Variants in DPCD observed in about 807,000 individuals in gnomAD.
DPCD encodes the protein deleted in primary ciliary dyskinesia homolog (mouse).
In DPCD, 20 loss-of-function variants were observed where a neutral mutation model predicts 26.4. The ratio of observed to expected loss-of-function variants is 0.76; its 90% CI spans 0.53 to 1.10. The LOEUF (loss-of-function observed/expected upper bound fraction) is 1.10, where lower values mean the gene tolerates loss of function less well. Ranked by LOEUF, DPCD falls within the 50% of genes least tolerant of loss-of-function variation. The pLI is 0.00. For synonymous variants in DPCD, 97 were observed against 94.2 expected, an observed-to-expected ratio of 1.03 and a Z score of -0.17; for missense variants, 202 against 253.9, an observed-to-expected ratio of 0.80 and a Z score of 1.39.
chr10:101,588,754 C>T, intron 1 of DPCD: 2 of 881,908 alleles, frequency 2.3e-6, no homozygotes, highest in African/African-American at 1.8e-5. Flanking sequence ...ATGTTTTAGA[C>T]TTTAGAGAGG....
At chr10:101,604,575 T>C (rs2063720872) in intron 4 of DPCD, among the ~76,000 whole-genome samples, 1 of 152,208 alleles carries the variant, frequency 6.6e-6, no homozygotes, top group South Asian at 2.1e-4. Context: ...AAAAGTGCTT[T>C]TCCAGGATCC....
rs1178444798 is a variant in DPCD at position 101,600,186 on chromosome 10, GT to G, written c.146-545del. On this transcript the variant is annotated intron_variant, in intron 2 of 5. Transcript: ENST00000370151. The surrounding 1 kb of genome is among the most constrained non-coding windows in gnomAD (Gnocchi z 4.7). ...TTTTGTTTAAATGCAGCTTTGGAGC[GT>G]TTTTTTGTTTTTGCTTTTTTCTTTT... is the stretch of plus-strand genomic sequence containing the variant. Among the ~76,000 whole-genome samples, 1 of 151,864 alleles carries G rather than the reference GT, an allele frequency of 6.6e-6. No individual in the cohort carries two copies. The highest frequency in any genetic ancestry group is 1.5e-5 in the Non-Finnish European group (1 of 67,954).
chr10:101,597,176 C>A (rs1010422117), intron 2 of DPCD, among the ~76,000 whole-genome samples: 6 of 152,194 alleles, frequency 3.9e-5, no homozygotes, highest in African/African-American at 1.4e-4. Flanking sequence ...CGATTACATT[C>A]GGATTACCGA....
intron 1 of DPCD, among the ~76,000 whole-genome samples, chr10:101,591,144 T>C (rs562788876): frequency 6.6e-6 from 1 of 152,336 alleles, no homozygotes; most frequent in Non-Finnish European, 1.5e-5. Context: ...GTAGCATGTG[T>C]CAAAATTTTG....
intron 4 of DPCD, among the ~76,000 whole-genome samples, chr10:101,608,102 T>A (rs536353723): frequency 6.8e-6 from 1 of 147,376 alleles, no homozygotes; most frequent in South Asian, 2.2e-4. Context: ...ATCTGTTCTA[T>A]TTTTTTTTTT....
At position 101,588,388 on chromosome 10, in the gene DPCD, C is replaced by G. The variant is rs776641379; in HGVS notation, c.52C>G (p.Leu18Val). The stretch of plus-strand genomic sequence containing the variant: ...TCTGCGGACAGCCCAGAAGACTGCG[C>G]TGCTGCAGGACGGTAACTCGAGGGT... ...ESLRTAQKTALLQDGRRKVHY... is the reference protein window; with the variant it reads ...ESLRTAQKTAVLQDGRRKVHY... Residue 18 changes from leucine (L) to valine (V), a missense_variant, in exon 1 of 6, where the codon CTG (leucine) becomes GTG (valine). By Grantham distance (32) the Leu-to-Val change is conservative. This residue lies in a region of DPCD where 47 missense variants were observed against 32.8 expected (regional missense o/e 1.43). Coordinates refer to ENST00000370151, the MANE Select transcript of DPCD (RefSeq NM_015448.3). 6.3e-7 allele frequency: 1 copy of G among 1,595,924 alleles called. No homozygotes were observed. Among genetic ancestry groups the G allele is most frequent in the East Asian group, 2.3e-5 (1 of 44,238 alleles).
chr10:101,594,507 T>C, intron 1 of DPCD, 151 bp from the exon 2 acceptor site: 1 of 678,688 alleles, frequency 1.5e-6, no homozygotes, highest in Non-Finnish European at 2.7e-6. Flanking sequence ...AAAGTAATGG[T>C]GGGTGGTGGT....
chr10:101,593,219 G>A lies in DPCD; in HGVS notation c.65-1439G>A, dbSNP rs547881592. On this transcript the variant is annotated intron_variant, in intron 1 of 5. Transcript: ENST00000370151. Reference sequence around the variant, plus strand: ...CCTCCCAGGCAGTACCTTGGATCCCGCTCCTGACAGGAGAGCCCTTTCTAA... The same window carrying A: ...CCTCCCAGGCAGTACCTTGGATCCCACTCCTGACAGGAGAGCCCTTTCTAA... 8.8e-4 allele frequency among the ~76,000 whole-genome samples: 134 copies of A among 152,214 alleles called. 2 individuals are homozygous for A. Among genetic ancestry groups the A allele is most frequent in the Admixed American group, 3.3e-4 (5 of 15,294 alleles).
rs575896812 is a variant in DPCD at position 101,594,610 on chromosome 10, A to G, written c.65-48A>G. 3.8e-6 allele frequency: 6 copies of G among 1,591,024 alleles called. No homozygotes were observed. The African/African-American group carries it at 4.0e-5, about 11-fold the overall frequency. The stretch of plus-strand genomic sequence containing the variant: ...GTAGGCCCCTTGATCTGCAAGGGAC[A>G]GGGCAAGGGGAGACTTTGAGGTAAG... On this transcript the variant is annotated intron_variant, in intron 1 of 5. Transcript: ENST00000370151.
Position 101,604,815 on chromosome 10 carries a change from A to G in DPCD, c.404+3479A>G, listed in dbSNP as rs895516595. Among the ~76,000 whole-genome samples, 4 of 152,324 alleles carry G rather than the reference A, an allele frequency of 2.6e-5. No individual in the cohort carries two copies. In the East Asian group the frequency reaches 5.8e-4, roughly 22 times the overall value. On this transcript the variant is annotated intron_variant, in intron 4 of 5. Coordinates refer to ENST00000370151, the MANE Select transcript of DPCD (RefSeq NM_015448.3). ...ATTTTGGGGAATTTGATGAAATCAT[A>G]TATGTACAGGCCAGCACAACGGCTG... is the stretch of plus-strand genomic sequence containing the variant.
chr10:101,605,002 C>T lies in DPCD; in HGVS notation c.404+3666C>T, dbSNP rs1433606918. 4.0e-5 allele frequency: 51 copies of T among 1,290,352 alleles called. 1 individual carries two copies. The highest frequency in any genetic ancestry group is 8.4e-6 in the Non-Finnish European group (8 of 955,590). 79.9% of individuals were successfully genotyped at this position (1,290,352 alleles called of 1,614,324 possible). ...TTTAAGAAACTCTGGATTAAACAGG[C>T]TTCTCTTTGGTGGGGCCGAGAGCCT... On this transcript the variant is annotated intron_variant, in intron 4 of 5. Coordinates refer to ENST00000370151, the MANE Select transcript of DPCD (RefSeq NM_015448.3).
intron 4 of DPCD, among the ~76,000 whole-genome samples, chr10:101,601,793 A>G (rs2063700687): frequency 6.6e-6 from 1 of 152,116 alleles, no homozygotes; most frequent in African/African-American, 2.4e-5. Context: ...TTAAAGCAGT[A>G]CTTGACAGCA....
In DPCD at chr10:101,591,743, G is replaced by A. The variant is rs554780868; in HGVS notation, c.65-2915G>A. Among the ~76,000 whole-genome samples the A allele has an allele frequency of 1.3e-4, 20 of 151,980 alleles. No homozygotes were observed. In the East Asian group the frequency reaches 2.9e-3, roughly 22 times the overall value. On this transcript the variant is annotated intron_variant, in intron 1 of 5. Coordinates refer to ENST00000370151, the MANE Select transcript of DPCD (RefSeq NM_015448.3). ...GTTGCCCAAACTGGAGTGCAATGGC[G>A]CAATCTCGGCGCACTGCAACCTTTG...
intron 4 of DPCD, among the ~76,000 whole-genome samples, chr10:101,605,773 A>G (rs2063729583): frequency 6.6e-6 from 1 of 152,118 alleles, no homozygotes; most frequent in South Asian, 2.1e-4. Flanking sequence ...AATCTAGACT[A>G]TGGCGGGCTA....
chr10:101,609,276 A>T, intron 5 of DPCD, 91 bp from the exon 6 acceptor site: 1 of 1,189,130 alleles, frequency 8.4e-7, no homozygotes. Context: ...CGTGCAAATA[A>T]GGGGATCAGA....
At chr10:101,593,898 G>A (rs1337299104) in intron 1 of DPCD, among the ~76,000 whole-genome samples, 1 of 152,082 alleles carries the variant, frequency 6.6e-6, no homozygotes. Flanking sequence ...ATTTAGTTGA[G>A]CTCCTAGTAT....
chr10:101,598,566 A>G (rs569064068), intron 2 of DPCD, among the ~76,000 whole-genome samples: 1 of 149,230 alleles, frequency 6.7e-6, no homozygotes, highest in East Asian at 2.0e-4. Context: ...CAGGGAAAAA[A>G]TGCTATTTCT....
At chr10:101,594,529 T>C in intron 1 of DPCD, 129 bp from the exon 2 acceptor site, 1 of 790,794 alleles carries the variant, frequency 1.3e-6, no homozygotes, top group Non-Finnish European at 2.2e-6. Context: ...GGCAAGGAGT[T>C]TGGGGAGGTC....
intron 4 of DPCD, among the ~76,000 whole-genome samples, chr10:101,604,105 C>T (rs1227179584): frequency 6.6e-6 from 1 of 152,212 alleles, no homozygotes; most frequent in Non-Finnish European, 1.5e-5. Context: ...GGCCAGAAGC[C>T]AAAAACTCAA....
Sources: gnomAD v4.1 joint callset for allele counts (sites outside exome capture counted in the v4.1 genomes callset) on GRCh38, gnomAD v4.1.1 for gene constraint, gnomAD v4.1.1 regional missense constraint, Gnocchi (gnomAD v3.1) non-coding constraint, MANE v1.5 for transcripts, NCBI Gene and HGNC (gene_info 2026-07-23, HGNC 2026-07-21) for gene names.